SEPTIN10: variants seen among roughly 807,000 people sequenced by gnomAD.
SEPTIN10 encodes the protein septin 10.
SEPTIN10 carries 66 observed loss-of-function variants against 54.8 expected under a neutral mutation model. The ratio of observed to expected loss-of-function variants is 1.21; its 90% CI spans 0.99 to 1.48. The LOEUF is 1.48. SEPTIN10 is among the 40% of genes most tolerant of loss of function. The pLI, the probability that SEPTIN10 is intolerant of heterozygous loss-of-function variation, is 0.00. For synonymous variants in SEPTIN10, 161 were observed against 181.0 expected, an observed-to-expected ratio of 0.89 and a Z score of 0.89; for missense variants, 620 against 545.6, an observed-to-expected ratio of 1.14 and a Z score of -1.36.
intron 1 of SEPTIN10, among the ~76,000 whole-genome samples, chr2:109,596,510 G>A (rs917450798): frequency 2.6e-5 from 4 of 152,082 alleles, no homozygotes; most frequent in Admixed American, 6.5e-5. Flanking sequence ...CCAGCTACTC[G>A]GGAGGCTGAG....
At chr2:109,609,951 C>A (rs1698884434) in intron 1 of SEPTIN10, among the ~76,000 whole-genome samples, 1 of 152,138 alleles carries the variant, frequency 6.6e-6, no homozygotes, top group African/African-American at 2.4e-5. Flanking sequence ...ACTAATTATA[C>A]AGCCAGGATC....
chr2:109,553,941 T>A (rs1253377171), intron 8 of SEPTIN10, among the ~76,000 whole-genome samples: 1 of 152,144 alleles, frequency 6.6e-6, no homozygotes, highest in Non-Finnish European at 1.5e-5. Context: ...ACTGTAACTT[T>A]AAGTGAAGCA....
At chr2:109,575,678 C>G (rs28570680) in intron 4 of SEPTIN10, among the ~76,000 whole-genome samples, 20,521 of 152,236 alleles carry the variant, frequency 0.13, 1,873 homozygotes, top group African/African-American at 0.26. Context: ...TCTCATTAAA[C>G]AAATCTGGGT....
chr2:109,604,290 T>C (rs1169125325), intron 1 of SEPTIN10, among the ~76,000 whole-genome samples: 1 of 137,386 alleles, frequency 7.3e-6, no homozygotes, highest in African/African-American at 2.7e-5. Flanking sequence ...GTTGCAGTGG[T>C]TGAGACTGCG....
intron 5 of SEPTIN10, among the ~76,000 whole-genome samples, chr2:109,571,648 G>C (rs1688418953): frequency 6.6e-6 from 1 of 152,186 alleles, no homozygotes; most frequent in African/African-American, 2.4e-5. Context: ...CTAAAATGTA[G>C]TTTTGCACTG....
At chr2:109,547,766 A>G (rs2104599357) in intron 9 of SEPTIN10, among the ~76,000 whole-genome samples, 1 of 152,322 alleles carries the variant, frequency 6.6e-6, no homozygotes, top group African/African-American at 2.4e-5. Flanking sequence ...AAAAGAAAAC[A>G]TCTATCTAAC....
chr2:109,596,796 T>TA (rs1422703680), intron 1 of SEPTIN10, among the ~76,000 whole-genome samples: 2 of 152,192 alleles, frequency 1.3e-5, no homozygotes, highest in East Asian at 3.8e-4. Context: ...TCTCAGTGGA[T>TA]AAATGTTTTG....
chr2:109,607,074 T>G (rs575215686), intron 1 of SEPTIN10, among the ~76,000 whole-genome samples: 3 of 152,332 alleles, frequency 2.0e-5, no homozygotes, highest in Non-Finnish European at 4.4e-5. Context: ...CCTGCTCTTC[T>G]CCGCTAATCC....
At chr2:109,570,853 ATTAT>A (rs763914579) in intron 5 of SEPTIN10, among the ~76,000 whole-genome samples, 6 of 152,080 alleles carry the variant, frequency 3.9e-5, no homozygotes, top group Non-Finnish European at 5.9e-5. Context: ...TAATCTAGAG[ATTAT>A]TTAAAGTATA....
At chr2:109,593,276 G>A (rs1468988503) in intron 1 of SEPTIN10, among the ~76,000 whole-genome samples, 157 bp from the exon 2 acceptor site, 1 of 152,148 alleles carries the variant, frequency 6.6e-6, no homozygotes, top group African/African-American at 2.4e-5. Context: ...GTTTGAAATT[G>A]TGGCTTTCTT....
intron 1 of SEPTIN10, among the ~76,000 whole-genome samples, chr2:109,609,338 GAAT>G (rs35033228): frequency 0.28 from 42,671 of 151,958 alleles, 6,251 homozygotes; most frequent in Admixed American, 0.4. Flanking sequence ...AGGATACAAA[GAAT>G]AATACAGGTT....
At position 109,585,805 on chromosome 2, in the gene SEPTIN10, CAGA is replaced by C. The variant is rs1558830917; in HGVS notation, c.130_132del (p.Ser44del). ...GGCAAACTCTCAAAACCAACATGGCCAGACATAGTCAACGAACGAATGTTTTCT... is the reference window on the plus strand; with the variant it reads ...GGCAAACTCTCAAAACCAACATGGCCCATAGTCAACGAACGAATGTTTTCT... On this transcript the variant is annotated inframe_deletion, in exon 3 of 11. Coordinates refer to ENST00000397712, the MANE Select transcript of SEPTIN10 (RefSeq NM_144710.5). 1.9e-6 allele frequency: 3 copies of C among 1,613,394 alleles called. No individual in the cohort carries two copies. Among genetic ancestry groups the C allele is most frequent in the Non-Finnish European group, 8.5e-7 (1 of 1,179,716 alleles).
At chr2:109,572,976 C>G (rs957079021) in intron 5 of SEPTIN10, among the ~76,000 whole-genome samples, 1 of 151,998 alleles carries the variant, frequency 6.6e-6, no homozygotes, top group Non-Finnish European at 1.5e-5. Flanking sequence ...ACACTTTTAT[C>G]ATAAAAAATA....
intron 8 of SEPTIN10, among the ~76,000 whole-genome samples, chr2:109,559,795 C>CA (rs1277941499): frequency 6.6e-6 from 1 of 151,940 alleles, no homozygotes; most frequent in Non-Finnish European, 1.5e-5. Context: ...AAAAGGCTGG[C>CA]AATGGTTTCA....
At chr2:109,593,459 G>A (rs986470578) in intron 1 of SEPTIN10, among the ~76,000 whole-genome samples, 1 of 141,538 alleles carries the variant, frequency 7.1e-6, no homozygotes, top group Admixed American at 7.8e-5. Context: ...AGACTGGAGT[G>A]CAATGGCATG....
rs1166558426 is a variant in SEPTIN10, at chr2:109,556,519, GAACAGATCCTAAACACTTGCAGA to G, written c.1029-3323_1029-3301del. On this transcript the variant is annotated intron_variant, in intron 8 of 10. Coordinates refer to ENST00000397712, the MANE Select transcript of SEPTIN10 (RefSeq NM_144710.5). ...CATGTACAGGAGGGGTTCCAAGCAG[GAACAGATCCTAAACACTTGCAGA>G]AACCTGTTCTTTAAGAGCAGAGATT... 3.9e-5 allele frequency among the ~76,000 whole-genome samples: 6 copies of G among 152,220 alleles called. No individual in the cohort carries two copies. In the East Asian group the frequency reaches 9.6e-4, roughly 24 times the overall value.
rs1241568467 is a variant in SEPTIN10 at position 109,600,448 on chromosome 2, GAATAT to G, written c.31-7334_31-7330del. On this transcript the variant is annotated intron_variant, in intron 1 of 10. Coordinates refer to ENST00000397712, the MANE Select transcript of SEPTIN10 (RefSeq NM_144710.5). ...ACAATATCTTCATGATAAATTCCTA[GAATAT>G]AATTCCTGTTCCAAGCATACTGCCA... 6.0e-5 allele frequency among the ~76,000 whole-genome samples: 9 copies of G among 150,318 alleles called. No homozygotes were observed. In the East Asian group the frequency reaches 1.8e-3, roughly 30 times the overall value.
intron 1 of SEPTIN10, among the ~76,000 whole-genome samples, chr2:109,611,851 G>A (rs1435880747): frequency 6.6e-6 from 1 of 152,182 alleles, no homozygotes; most frequent in Admixed American, 6.5e-5. Context: ...GTAAGGATGT[G>A]CAGAAACTGG....
At chr2:109,567,459 C>A (rs77644067) in intron 6 of SEPTIN10, among the ~76,000 whole-genome samples, 31,248 of 152,084 alleles carry the variant, frequency 0.21, 3,802 homozygotes, top group South Asian at 0.27. Flanking sequence ...GATTTTACAG[C>A]ATGCAAAGGG....
Sources: allele counts gnomAD v4.1 joint callset (sites outside exome capture counted in the v4.1 genomes callset), GRCh38; gene constraint gnomAD v4.1.1; transcripts MANE v1.5; gene names NCBI Gene and HGNC (gene_info 2026-07-23, HGNC 2026-07-21).